The following PAX7 variants were observed in gnomAD, a reference collection of about 807,000 sequenced individuals.
PAX7 encodes the protein paired box 7, also known as paired box protein Pax-7.
Under a neutral mutation model 50.7 loss-of-function variants are expected in PAX7, and 18 were observed. That is an observed-to-expected ratio of 0.36 (90% CI 0.25 to 0.53). The LOEUF (loss-of-function observed/expected upper bound fraction) is 0.53. PAX7 is among the 20% of genes least tolerant of loss of function. PAX7 has a pLI of 0.93. For missense variants in PAX7, 644 were observed against 702.9 expected (o/e 0.92, Z 0.95); for synonymous variants, 310 against 290.4 (o/e 1.07, Z -0.69).
intron 7 of PAX7, among the ~76,000 whole-genome samples, chr1:18,711,149 G>C (rs1206081161): frequency 2.0e-5 from 3 of 152,190 alleles, no homozygotes; most frequent in African/African-American, 7.2e-5. Flanking sequence ...TGTGCCACCT[G>C]TGCCAACAAG....
chr1:18,654,343 C>T (rs2088480205), intron 4 of PAX7, among the ~76,000 whole-genome samples: 1 of 152,204 alleles, frequency 6.6e-6, no homozygotes, highest in African/African-American at 2.4e-5. Flanking sequence ...AGGGGTGTCC[C>T]CTCTCAGGGG....
intron 7 of PAX7, among the ~76,000 whole-genome samples, chr1:18,707,197 G>C (rs1377642476): frequency 6.6e-6 from 1 of 152,140 alleles, no homozygotes; most frequent in Non-Finnish European, 1.5e-5. Flanking sequence ...CAGTACAACA[G>C]GGTCAGACAG....
intron 8 of PAX7, among the ~76,000 whole-genome samples, chr1:18,736,626 ATG>A (rs1187724133): frequency 1.4e-4 from 22 of 152,214 alleles, no homozygotes; most frequent in African/African-American, 4.8e-4. Context: ...CTTTGACATC[ATG>A]TGTGTGTTTT....
rs1570103627 is a variant in PAX7 at position 18,637,215 on chromosome 1, C to A, written c.586+844C>A. ...AGGGGATTGTGCTTTTGTTTCTTGA[C>A]GGGAGGAAGTTTCGAGAGAAGGAAG... On this transcript the variant is annotated intron_variant, in intron 4 of 8. Transcript: ENST00000420770. 2.6e-5 allele frequency among the ~76,000 whole-genome samples: 4 copies of A among 152,260 alleles called. No homozygotes were observed. The East Asian group carries it at 5.8e-4, about 22-fold the overall frequency.
Position 18,725,302 on chromosome 1 carries a change from GC to G in PAX7, c.1156-10320del, listed in dbSNP as rs3216186. On this transcript the variant is annotated intron_variant, in intron 7 of 8. Transcript: ENST00000420770. ...CTCCACCAATTACAGAGGTGGAGAC[GC>G]CCCCCCCCCGCCCCACCAACACCGC... 6.7e-3 allele frequency among the ~76,000 whole-genome samples: 714 copies of G among 106,420 alleles called. 37 individuals carry two copies. The highest frequency in any genetic ancestry group is 0.064 in the East Asian group (100 of 1,564). The allele number at this position is 106,420 out of a possible 152,430, so 69.8% of individuals were successfully genotyped here. A position where few individuals can be genotyped will look rare whatever the true frequency, so the allele number is the denominator to read the frequency against.
intron 7 of PAX7, among the ~76,000 whole-genome samples, chr1:18,712,765 G>A (rs578064649): frequency 3.1e-4 from 47 of 152,304 alleles, no homozygotes; most frequent in African/African-American, 1.0e-3. Context: ...CCGAACAAGA[G>A]GTGGGTGGAG....
chr1:18,653,507 G>A (rs2088466508), intron 4 of PAX7, among the ~76,000 whole-genome samples: 2 of 152,102 alleles, frequency 1.3e-5, no homozygotes, highest in Admixed American at 6.6e-5. Context: ...CTGTGATATG[G>A]AATGTACTGT....
chr1:18,734,178 G>A (rs368413341), intron 7 of PAX7, among the ~76,000 whole-genome samples: 7 of 152,256 alleles, frequency 4.6e-5, no homozygotes, highest in East Asian at 1.9e-4. Flanking sequence ...TCGAATGCCC[G>A]CAGCCTGCTT....
At chr1:18,733,181 A>G (rs974602584) in intron 7 of PAX7, among the ~76,000 whole-genome samples, 1 of 151,996 alleles carries the variant, frequency 6.6e-6, no homozygotes, top group Non-Finnish European at 1.5e-5. Flanking sequence ...CTTCAAGCTA[A>G]GGAGATCCCA....
chr1:18,657,203 G>T (rs6659735), intron 4 of PAX7, among the ~76,000 whole-genome samples: 13,251 of 151,722 alleles, frequency 0.087, 657 homozygotes, highest in Admixed American at 0.12. Flanking sequence ...GGAGCATGGG[G>T]GTGATAAGAG....
At chr1:18,692,484 G>A (rs1473038374) in intron 5 of PAX7, among the ~76,000 whole-genome samples, 2 of 151,760 alleles carry the variant, frequency 1.3e-5, no homozygotes, top group African/African-American at 4.8e-5. Flanking sequence ...GGAGGTTGCA[G>A]TGAGCCAAGA....
chr1:18,652,046 T>G (rs2088440450), intron 4 of PAX7, among the ~76,000 whole-genome samples: 1 of 151,866 alleles, frequency 6.6e-6, no homozygotes, highest in Non-Finnish European at 1.5e-5. Flanking sequence ...GGTAAACCCA[T>G]CAAGGCTCAC....
chr1:18,736,146 T>C, intron 8 of PAX7: 1 of 631,998 alleles, frequency 1.6e-6, no homozygotes, highest in Non-Finnish European at 2.8e-6. Flanking sequence ...TCACTTAACA[T>C]TTCTAGTGGC....
At chr1:18,707,122 C>G (rs1202334015) in intron 7 of PAX7, among the ~76,000 whole-genome samples, 1 of 152,218 alleles carries the variant, frequency 6.6e-6, no homozygotes, top group Non-Finnish European at 1.5e-5. Context: ...AGGCACTGTT[C>G]TAGGCACTTG....
rs115045794 is a variant in PAX7, at chr1:18,746,959, G to T, written c.*2030G>T. 2.1e-3 allele frequency: 492 copies of T among 231,542 alleles called. 3 individuals are homozygous for T. Among genetic ancestry groups the T allele is most frequent in the African/African-American group, 9.9e-3 (450 of 45,354 alleles). 14.3% of individuals were successfully genotyped at this position (231,542 alleles called of 1,614,324 possible). A position where few individuals can be genotyped will look rare whatever the true frequency, so the allele number is the denominator to read the frequency against. On this transcript the variant is annotated 3_prime_UTR_variant, in exon 9 of 9. Coordinates refer to ENST00000420770, the MANE Select transcript of PAX7 (RefSeq NM_001135254.2). Reference sequence around the variant, plus strand: ...TGATCCATCAAGATCAACCAAGGTTGCAACTGGAGCGTCCACTGCCAGAGA... The same window carrying T: ...TGATCCATCAAGATCAACCAAGGTTTCAACTGGAGCGTCCACTGCCAGAGA...
At chr1:18,692,855 C>A (rs937781011) in intron 5 of PAX7, among the ~76,000 whole-genome samples, 1 of 152,162 alleles carries the variant, frequency 6.6e-6, no homozygotes, top group African/African-American at 2.4e-5. Context: ...CAAGAGCCTC[C>A]CAATGGCTCG....
intron 4 of PAX7, among the ~76,000 whole-genome samples, chr1:18,677,093 G>T (rs1421272750): frequency 1.3e-5 from 2 of 152,230 alleles, no homozygotes; most frequent in Admixed American, 1.3e-4. Flanking sequence ...GCTGACTGTA[G>T]GTGATTTGGG....
At chr1:18,641,064 G>A (rs549625592) in intron 4 of PAX7, among the ~76,000 whole-genome samples, 14 of 152,376 alleles carry the variant, frequency 9.2e-5, no homozygotes, top group African/African-American at 3.4e-4. Flanking sequence ...CTATTACAAA[G>A]GCAAACACTG....
At chr1:18,712,552 C>T (rs1038454451) in intron 7 of PAX7, among the ~76,000 whole-genome samples, 1 of 152,210 alleles carries the variant, frequency 6.6e-6, no homozygotes, top group Admixed American at 6.5e-5. Flanking sequence ...TTCCAGACTG[C>T]TGCTGAGGGG....
Sources: gnomAD v4.1 joint callset for allele counts (sites outside exome capture counted in the v4.1 genomes callset) on GRCh38, gnomAD v4.1.1 for gene constraint, MANE v1.5 for transcripts, NCBI Gene and HGNC (gene_info 2026-07-23, HGNC 2026-07-21) for gene names.